TENM3: variants seen among roughly 807,000 people sequenced by gnomAD.
TENM3 encodes teneurin transmembrane protein 3, also known as teneurin-3.
A neutral mutation model predicts 255.1 loss-of-function variants in TENM3; 63 were observed. The ratio of observed to expected loss-of-function variants is 0.25; its 90% CI spans 0.20 to 0.30. The LOEUF is 0.30. Among genes scored for constraint, TENM3 ranks in the 10% least tolerant of loss-of-function variants. The pLI, the probability that TENM3 is intolerant of heterozygous loss-of-function variation, is 1.00. For synonymous variants in TENM3, 1,306 were observed against 1,322.3 expected (o/e 0.99, Z 0.27); for missense variants, 2,929 against 3,461.1 (o/e 0.85, Z 3.86).
At chr4:182,703,027 C>T (rs1019454377) in intron 12 of TENM3, among the ~76,000 whole-genome samples, 9 of 152,212 alleles carry the variant, frequency 5.9e-5, no homozygotes, top group Non-Finnish European at 1.2e-4. Flanking sequence ...TGAGCCACCG[C>T]GCCTGGCCCA....
chr4:181,628,497 A>C, the TENM3 span, among the ~76,000 whole-genome samples: 1 of 152,118 alleles, frequency 6.6e-6, no homozygotes, highest in African/African-American at 2.4e-5. Flanking sequence ...ATCCATCTTG[A>C]ATTAATTTTT....
At chr4:182,670,857 C>T (rs942480588) in intron 6 of TENM3, among the ~76,000 whole-genome samples, 1 of 152,040 alleles carries the variant, frequency 6.6e-6, no homozygotes, top group African/African-American at 2.4e-5. Context: ...TTTGAGGCAT[C>T]GAAATGCAAT....
chr4:181,962,154 C>T, the TENM3 span, among the ~76,000 whole-genome samples: 1 of 152,170 alleles, frequency 6.6e-6, no homozygotes, highest in Non-Finnish European at 1.5e-5. Context: ...ATAAATTAGA[C>T]ATAAGCAAGT....
intron 3 of TENM3, among the ~76,000 whole-genome samples, chr4:182,572,406 C>A (rs552131768): frequency 6.6e-6 from 1 of 152,290 alleles, no homozygotes; most frequent in Non-Finnish European, 1.5e-5. Flanking sequence ...TACTTAAATG[C>A]CAGCCACAGC....
At chr4:181,970,720 C>T in the TENM3 span, among the ~76,000 whole-genome samples, 2 of 152,196 alleles carry the variant, frequency 1.3e-5, no homozygotes, top group Admixed American at 6.5e-5. Flanking sequence ...CTCAGCATTC[C>T]TCAGCTTCTC....
chr4:181,801,441 A>G, the TENM3 span, among the ~76,000 whole-genome samples: 1 of 151,976 alleles, frequency 6.6e-6, no homozygotes, highest in Non-Finnish European at 1.5e-5. Context: ...AAAAACTAAG[A>G]ATACTCTCCA....
At chr4:182,076,213 CTTTTTTT>C in the TENM3 span, among the ~76,000 whole-genome samples, 3 of 126,396 alleles carry the variant, frequency 2.4e-5, no homozygotes, top group Admixed American at 8.1e-5. Flanking sequence ...TCTTCTTCTT[CTTTTTTT>C]TTTTTTTTTT....
At chr4:182,347,186 T>C (rs536324051) in intron 3 of TENM3, among the ~76,000 whole-genome samples, 1 of 152,286 alleles carries the variant, frequency 6.6e-6, no homozygotes, top group African/African-American at 2.4e-5. Context: ...GTTTTGGCTA[T>C]AGTTTTGAAA....
the TENM3 span, among the ~76,000 whole-genome samples, chr4:181,977,845 G>A: frequency 1.3e-5 from 2 of 152,184 alleles, no homozygotes; most frequent in Non-Finnish European, 2.9e-5. Context: ...AGTCTGTGCT[G>A]AAAGAAGTAA....
chr4:182,165,015 A>G (rs548467255), intron 1 of TENM3, among the ~76,000 whole-genome samples: 60 of 152,208 alleles, frequency 3.9e-4, no homozygotes, highest in Non-Finnish European at 8.2e-4. Context: ...AGAGAACACT[A>G]ATGCCAGGAT....
At chr4:181,686,609 T>G in the TENM3 span, among the ~76,000 whole-genome samples, 1 of 152,164 alleles carries the variant, frequency 6.6e-6, no homozygotes, top group Non-Finnish European at 1.5e-5. Flanking sequence ...TTCAAAGATT[T>G]ACAGTTTAGC....
intron 3 of TENM3, among the ~76,000 whole-genome samples, chr4:182,417,994 G>GAA (rs199574569): frequency 6.6e-6 from 1 of 151,894 alleles, no homozygotes; most frequent in Admixed American, 6.6e-5. Context: ...CCCTAATTTT[G>GAA]AAAAAAATTC....
the TENM3 span, among the ~76,000 whole-genome samples, chr4:181,538,671 G>A: frequency 5.0e-3 from 764 of 152,242 alleles, 4 homozygotes; most frequent in African/African-American, 0.017. Flanking sequence ...ACCAGCACAC[G>A]GAGTATGCCT....
chr4:181,637,354 A>G, the TENM3 span, among the ~76,000 whole-genome samples: 5 of 152,110 alleles, frequency 3.3e-5, no homozygotes, highest in South Asian at 8.3e-4. Flanking sequence ...TCCCCCAGCA[A>G]CTCCGGGCTG....
At chr4:182,100,592 T>C in the TENM3 span, among the ~76,000 whole-genome samples, 1 of 54,030 alleles carries the variant, frequency 1.9e-5, no homozygotes, top group African/African-American at 8.0e-5. Context: ...TATATACACA[T>C]ATATACACAT....
At chr4:182,551,894 G>GT (rs1030473316) in intron 3 of TENM3, among the ~76,000 whole-genome samples, 2 of 151,918 alleles carry the variant, frequency 1.3e-5, no homozygotes, top group Admixed American at 1.3e-4. Context: ...GTGCATGCCT[G>GT]TAAGTCCTAG....
chr4:182,254,263 C>G (rs1445032598), intron 1 of TENM3, among the ~76,000 whole-genome samples: 1 of 151,928 alleles, frequency 6.6e-6, no homozygotes, highest in Non-Finnish European at 1.5e-5. Context: ...CTCTAAGGAC[C>G]CATGAGCCGT....
At chr4:181,966,488 A>G in the TENM3 span, among the ~76,000 whole-genome samples, 3 of 152,182 alleles carry the variant, frequency 2.0e-5, no homozygotes, top group African/African-American at 7.2e-5. Context: ...AAAGTCAAGC[A>G]GGCAGAAGGC....
intron 22 of TENM3, among the ~76,000 whole-genome samples, chr4:182,756,239 A>G (rs1191269904): frequency 6.6e-6 from 1 of 152,212 alleles, no homozygotes; most frequent in Non-Finnish European, 1.5e-5. Context: ...GAACCTTACA[A>G]CTAAATGCAA....
Sources: allele counts gnomAD v4.1 joint callset (sites outside exome capture counted in the v4.1 genomes callset), GRCh38; gene constraint gnomAD v4.1.1; transcripts MANE v1.5; gene names NCBI Gene and HGNC (gene_info 2026-07-23, HGNC 2026-07-21).